The following SYT1 variants were observed in gnomAD, a reference collection of about 807,000 sequenced individuals.
SYT1 encodes synaptotagmin 1.
Under a neutral mutation model 44.8 loss-of-function variants are expected in SYT1, and 8 were observed. The ratio of observed to expected loss-of-function variants is 0.18; its 90% CI spans 0.10 to 0.32. SYT1 has a LOEUF of 0.32. Among genes scored for constraint, SYT1 ranks in the 10% least tolerant of loss-of-function variants. The pLI, the probability that SYT1 is intolerant of heterozygous loss-of-function variation, is 1.00. For missense variants in SYT1, 286 were observed against 509.3 expected (o/e 0.56, Z 4.22); for synonymous variants, 154 against 188.8 (o/e 0.82, Z 1.51).
At chr12:79,009,355 A>G (rs911134673) in intron 2 of SYT1, among the ~76,000 whole-genome samples, 8 of 152,134 alleles carry the variant, frequency 5.3e-5, no homozygotes, top group Non-Finnish European at 7.4e-5. Context: ...GTAAGGCCAT[A>G]CACTCTGTGG....
chr12:78,932,559 T>A (rs17046049), intron 1 of SYT1, among the ~76,000 whole-genome samples: 13,848 of 152,260 alleles, frequency 0.091, 728 homozygotes, highest in East Asian at 0.18. Flanking sequence ...AAAAACCAAA[T>A]TCCACCTTAG....
chr12:79,339,884 A>G (rs1592980775), intron 8 of SYT1, among the ~76,000 whole-genome samples: 1 of 152,214 alleles, frequency 6.6e-6, no homozygotes, highest in African/African-American at 2.4e-5. Flanking sequence ...AGCTTTCTAC[A>G]TAATGGCTAG....
At chr12:78,896,227 G>A (rs1399734952) in intron 1 of SYT1, among the ~76,000 whole-genome samples, 1 of 151,390 alleles carries the variant, frequency 6.6e-6, no homozygotes, top group Non-Finnish European at 1.5e-5. Context: ...TGCCCTATTT[G>A]AATAAAAAAT....
chr12:79,065,534 A>C (rs1382510309), intron 3 of SYT1, among the ~76,000 whole-genome samples: 1 of 152,282 alleles, frequency 6.6e-6, no homozygotes, highest in African/African-American at 2.4e-5. Context: ...CTTCCTCTCT[A>C]CTGAAAAATA....
At chr12:79,177,049 G>A (rs201302025) in intron 3 of SYT1, among the ~76,000 whole-genome samples, 1 of 145,724 alleles carries the variant, frequency 6.9e-6, no homozygotes, top group East Asian at 2.0e-4. Flanking sequence ...TTTTTTTTAT[G>A]TTTTTTTTTA....
chr12:79,074,455 A>G (rs67735580), intron 3 of SYT1, among the ~76,000 whole-genome samples: 3,443 of 152,238 alleles, frequency 0.023, 58 homozygotes, highest in Non-Finnish European at 0.035. Flanking sequence ...GCTTCCCACA[A>G]CTAGTCTCTA....
At chr12:79,142,227 T>C (rs770649720) in intron 3 of SYT1, among the ~76,000 whole-genome samples, 6 of 152,240 alleles carry the variant, frequency 3.9e-5, no homozygotes, top group Non-Finnish European at 8.8e-5. Context: ...AGCACACCTG[T>C]GCAAAATTCC....
intron 3 of SYT1, among the ~76,000 whole-genome samples, chr12:79,052,933 A>G (rs1444531713): frequency 2.6e-5 from 4 of 152,086 alleles, no homozygotes; most frequent in East Asian, 1.9e-4. Flanking sequence ...TTCAACCCTT[A>G]TGGAAGTCAG....
chr12:78,959,450 A>G (rs945887737), intron 1 of SYT1, among the ~76,000 whole-genome samples: 17 of 152,204 alleles, frequency 1.1e-4, no homozygotes, highest in Non-Finnish European at 2.5e-4. Flanking sequence ...ACATAAAAAT[A>G]CTGATTTTAT....
intron 3 of SYT1, among the ~76,000 whole-genome samples, chr12:79,086,173 A>G (rs1021179191): frequency 6.6e-6 from 1 of 152,170 alleles, no homozygotes; most frequent in Admixed American, 6.6e-5. Flanking sequence ...TCAATTTACC[A>G]TCACCATCAT....
intron 3 of SYT1, among the ~76,000 whole-genome samples, chr12:79,146,525 A>G (rs1378878964): frequency 2.0e-5 from 3 of 152,200 alleles, no homozygotes; most frequent in African/African-American, 4.8e-5. Context: ...ACCACAGTAC[A>G]GAGGCCTTAA....
intron 3 of SYT1, among the ~76,000 whole-genome samples, chr12:79,065,508 C>T (rs948357219): frequency 6.6e-6 from 1 of 152,086 alleles, no homozygotes; most frequent in Non-Finnish European, 1.5e-5. Context: ...TCAAATAAAG[C>T]TGATATTCTC....
intron 3 of SYT1, among the ~76,000 whole-genome samples, chr12:79,137,440 TACTC>T (rs1592782561): frequency 6.6e-6 from 1 of 152,252 alleles, no homozygotes; most frequent in East Asian, 1.9e-4. Context: ...ATCTCATTAA[TACTC>T]ACAACCATCC....
intron 9 of SYT1, among the ~76,000 whole-genome samples, chr12:79,427,874 G>A (rs1176807335): frequency 6.6e-6 from 1 of 152,196 alleles, no homozygotes; most frequent in Non-Finnish European, 1.5e-5. Flanking sequence ...GTCTAGCTCA[G>A]ACATGTCTGC....
chr12:78,989,148 G>C (rs1027999241), intron 2 of SYT1, among the ~76,000 whole-genome samples: 1 of 152,024 alleles, frequency 6.6e-6, no homozygotes, highest in Admixed American at 6.6e-5. Context: ...GGTAGGGGAG[G>C]AGAAAACAAA....
intron 3 of SYT1, among the ~76,000 whole-genome samples, chr12:79,121,627 T>A (rs1306849585): frequency 6.6e-6 from 1 of 152,162 alleles, no homozygotes. Context: ...CATTTCTTAG[T>A]GTGGGTATAA....
chr12:79,032,489 T>C lies in SYT1; in HGVS notation c.-83-14808T>C, dbSNP rs551838229. 7.9e-5 allele frequency among the ~76,000 whole-genome samples: 12 copies of C among 151,364 alleles called. No individual in the cohort carries two copies. In the South Asian group the frequency reaches 2.5e-3, roughly 31 times the overall value. ...TTCACTTGGGGCTACCTCCAGTGTA[T>C]TGACATAAGAATACAACTCACAAAA... On this transcript the variant is annotated intron_variant, in intron 2 of 10. Transcript: ENST00000261205.
chr12:78,915,296 G>A (rs1233521973), intron 1 of SYT1, among the ~76,000 whole-genome samples: 1 of 151,976 alleles, frequency 6.6e-6, no homozygotes, highest in Non-Finnish European at 1.5e-5. Context: ...CCCCTCCTCA[G>A]GGCCTAATTC....
chr12:79,056,455 G>A (rs963323016), intron 3 of SYT1, among the ~76,000 whole-genome samples: 8 of 151,996 alleles, frequency 5.3e-5, no homozygotes, highest in African/African-American at 1.9e-4. Flanking sequence ...TAAAGCTTGA[G>A]ACATTTTGAC....
Sources: gnomAD v4.1 joint callset for allele counts (sites outside exome capture counted in the v4.1 genomes callset) on GRCh38, gnomAD v4.1.1 for gene constraint, MANE v1.5 for transcripts, NCBI Gene and HGNC (gene_info 2026-07-23, HGNC 2026-07-21) for gene names.